Variants in CDH23 observed in about 807,000 individuals in gnomAD.
CDH23 encodes cadherin related 23, also known as cadherin-23.
In CDH23, 189 loss-of-function variants were observed where a neutral mutation model predicts 317.1. That is an observed-to-expected ratio of 0.60 (90% CI 0.53 to 0.67). CDH23 has a LOEUF of 0.67. CDH23 is among the 30% of genes least tolerant of loss of function. The pLI is 0.00. For missense variants in CDH23, 4,401 were observed against 4,592.4 expected, an observed-to-expected ratio of 0.96 and a Z score of 1.20; for synonymous variants, 1,839 against 1,876.8, an observed-to-expected ratio of 0.98 and a Z score of 0.52.
intron 42 of CDH23, 71 bp from the exon 43 acceptor site, chr10:71,784,817 ACCT>A (rs1225792791): frequency 1.0e-5 from 13 of 1,251,966 alleles, no homozygotes; most frequent in Middle Eastern, 1.9e-4. Context: ...CCCTTGGCGA[ACCT>A]CCTCCTCGGT....
At chr10:71,626,236 C>A (rs1861728412) in intron 11 of CDH23, among the ~76,000 whole-genome samples, 1 of 152,172 alleles carries the variant, frequency 6.6e-6, no homozygotes, top group Non-Finnish European at 1.5e-5. Context: ...TCACCAGACT[C>A]TCAGAAGGGT....
At chr10:71,733,059 A>G (rs1352446114) in intron 32 of CDH23, among the ~76,000 whole-genome samples, 1 of 150,756 alleles carries the variant, frequency 6.6e-6, no homozygotes, top group Non-Finnish European at 1.5e-5. Context: ...TGTTTGACCC[A>G]TGCTTCTGAC....
intron 3 of CDH23, among the ~76,000 whole-genome samples, chr10:71,489,519 G>A (rs116089873): frequency 0.011 from 1,620 of 151,684 alleles, 22 homozygotes; most frequent in African/African-American, 0.032. Context: ...CCTGATAATT[G>A]TAATATCTGA....
intron 41 of CDH23, 67 bp downstream of exon 41, chr10:71,779,514 A>G: frequency 7.2e-7 from 1 of 1,386,312 alleles, no homozygotes; most frequent in Non-Finnish European, 9.7e-7. Flanking sequence ...GGAGGATAAG[A>G]AGGGAGGTCT....
intron 11 of CDH23, among the ~76,000 whole-genome samples, chr10:71,618,941 G>C (rs1462238835): frequency 6.6e-6 from 1 of 152,168 alleles, no homozygotes; most frequent in Non-Finnish European, 1.5e-5. Flanking sequence ...ATCACCTGCT[G>C]TTTACAAGGA....
chr10:71,544,563 C>T (rs1049588123), intron 6 of CDH23, among the ~76,000 whole-genome samples: 2 of 152,206 alleles, frequency 1.3e-5, no homozygotes, highest in Non-Finnish European at 2.9e-5. Flanking sequence ...AGTGGGAATG[C>T]TGGCAGAGGG....
chr10:71,595,156 G>A (rs1859753556), intron 9 of CDH23, among the ~76,000 whole-genome samples: 1 of 152,108 alleles, frequency 6.6e-6, no homozygotes, highest in African/African-American at 2.4e-5. Context: ...GTAAGTGCAG[G>A]GTAAATTACT....
intron 6 of CDH23, among the ~76,000 whole-genome samples, chr10:71,517,326 G>C (rs1240793074): frequency 6.6e-6 from 1 of 152,158 alleles, no homozygotes; most frequent in Non-Finnish European, 1.5e-5. Flanking sequence ...CTCTGCTGGT[G>C]CCCACTAGTT....
chr10:71,796,596 T>G (rs972085691), intron 48 of CDH23, among the ~76,000 whole-genome samples: 1 of 152,240 alleles, frequency 6.6e-6, no homozygotes, highest in Admixed American at 6.5e-5. Context: ...TTTTAAATGG[T>G]GATAAAATAC....
At chr10:71,753,670 G>T in intron 38 of CDH23, 1 of 436,282 alleles carries the variant, frequency 2.3e-6, no homozygotes. Flanking sequence ...CCACCAATTA[G>T]ATGCAGTGAC....
intron 6 of CDH23, among the ~76,000 whole-genome samples, chr10:71,533,560 CA>C (rs1564637108): frequency 0.066 from 9,403 of 141,486 alleles, 374 homozygotes; most frequent in African/African-American, 0.089. Context: ...CACACACACA[CA>C]CACACACACT....
chr10:71,743,117 T>A (rs1839778959), intron 38 of CDH23, among the ~76,000 whole-genome samples: 1 of 152,144 alleles, frequency 6.6e-6, no homozygotes, highest in Non-Finnish European at 1.5e-5. Flanking sequence ...TCTACCACAA[T>A]CTGTTGGCCA....
At chr10:71,533,525 C>CCCCCCCCCCACACA (rs1249775933) in intron 6 of CDH23, among the ~76,000 whole-genome samples, 1 of 130,752 alleles carries the variant, frequency 7.6e-6, no homozygotes, top group African/African-American at 3.0e-5. Flanking sequence ...TGGCTGGACA[C>CCCCCCCCCCACACA]CACACACACA....
intron 41 of CDH23, 71 bp downstream of exon 41, chr10:71,779,518 G>A (rs1840900338): frequency 1.5e-6 from 2 of 1,349,760 alleles, no homozygotes; most frequent in African/African-American, 2.9e-5. Flanking sequence ...GATAAGAAGG[G>A]AGGTCTCAAG....
At chr10:71,655,425 C>T (rs1863376293) in intron 14 of CDH23, among the ~76,000 whole-genome samples, 1 of 152,164 alleles carries the variant, frequency 6.6e-6, no homozygotes, top group South Asian at 2.1e-4. Context: ...TATTGGAGAC[C>T]ATCAAAATCT....
chr10:71,703,543 TGTG>T (rs1466761941), intron 24 of CDH23, among the ~76,000 whole-genome samples: 4 of 152,352 alleles, frequency 2.6e-5, no homozygotes, highest in African/African-American at 9.6e-5. Context: ...ACACAGTAGC[TGTG>T]GTGATCACTG....
chr10:71,674,191 A>G (rs1864264125), intron 14 of CDH23, among the ~76,000 whole-genome samples: 1 of 152,222 alleles, frequency 6.6e-6, no homozygotes, highest in Admixed American at 6.5e-5. Flanking sequence ...TGGGATAGAA[A>G]TATATTTTTC....
At chr10:71,707,284 G>C in intron 26 of CDH23, 4 of 1,436,460 alleles carry the variant, frequency 2.8e-6, no homozygotes, top group Non-Finnish European at 3.6e-6. Flanking sequence ...GAACCTGTTG[G>C]TTGCAGGGAC....
At position 71,732,100 on chromosome 10, in the gene CDH23, A is replaced by C; in HGVS notation, c.3829A>C (p.Thr1277Pro). 3 of 1,614,018 alleles carry C rather than the reference A, an allele frequency of 1.9e-6. No individual in the cohort carries two copies. The highest frequency in any genetic ancestry group is 8.5e-7 in the Non-Finnish European group (1 of 1,179,878). ...GAATTACCTGGACTACGAGACCAAG[A>C]CCAGCTACATGATGAATGTGTCGGC... Reference protein sequence around the residue: ...TVNYLDYETKTSYMMNVSATD... With the variant: ...TVNYLDYETKPSYMMNVSATD... Residue 1277 changes from threonine (T) to proline (P), a missense_variant, in exon 32 of 70, where the codon ACC becomes CCC. Thr to Pro is a conservative substitution (Grantham distance 38, BLOSUM62 -1). Coordinates refer to ENST00000224721, the MANE Select transcript of CDH23 (RefSeq NM_022124.6).
Sources: allele counts gnomAD v4.1 joint callset (sites outside exome capture counted in the v4.1 genomes callset), GRCh38; gene constraint gnomAD v4.1.1; transcripts MANE v1.5; gene names NCBI Gene and HGNC (gene_info 2026-07-23, HGNC 2026-07-21).